The following GREM1 variants were observed in gnomAD, a reference collection of about 807,000 sequenced individuals.
GREM1 encodes the protein gremlin-1.
GREM1 carries 6 observed loss-of-function variants against 13.1 expected under a neutral mutation model. The observed-to-expected ratio is 0.46, with a 90% CI of 0.25 to 0.91. GREM1 has a LOEUF of 0.91. GREM1 is among the 40% of genes least tolerant of loss of function. The probability of loss-of-function intolerance (pLI) is 0.18; values close to 1 mark genes in which losing one functional copy is unlikely to be tolerated. For synonymous variants in GREM1, 98 were observed against 93.7 expected (o/e 1.05, Z -0.27); for missense variants, 185 against 233.9 (o/e 0.79, Z 1.36).
intron 1 of GREM1, among the ~76,000 whole-genome samples, chr15:32,719,896 G>C (rs1410965074): frequency 6.6e-6 from 1 of 152,112 alleles, no homozygotes; most frequent in African/African-American, 2.4e-5. Context: ...AGTCTTGAGG[G>C]GGGGATGTAC....
intron 1 of GREM1, among the ~76,000 whole-genome samples, chr15:32,719,461 A>G (rs1437272295): frequency 1.3e-5 from 2 of 152,148 alleles, no homozygotes; most frequent in Admixed American, 6.5e-5. Context: ...GAATCCGTCT[A>G]CTGCCTTCCC....
intron 1 of GREM1, among the ~76,000 whole-genome samples, chr15:32,730,177 G>T (rs2055591017): frequency 1.3e-5 from 2 of 152,246 alleles, no homozygotes; most frequent in East Asian, 1.9e-4. Flanking sequence ...ATGCCTTCTG[G>T]TCTCCATGAA....
In GREM1 at chr15:32,722,567, A is replaced by G. The variant is rs370743337; in HGVS notation, c.-2+4406A>G. ...ATACCATTTTTATTTCTCAGTCCTC[A>G]GTATTAGAATATTGTGTTCCTAGAG... On this transcript the variant is annotated intron_variant, in intron 1 of 1. Transcript: ENST00000651154. Among the ~76,000 whole-genome samples, 256 of 152,370 alleles carry G rather than the reference A, an allele frequency of 1.7e-3. 6 individuals are homozygous for G. In the South Asian group the frequency reaches 0.05, roughly 30 times the overall value.
rs1412782279 is a variant in GREM1 at position 32,718,138 on chromosome 15, C to T, written c.-25C>T. On this transcript the variant is annotated 5_prime_UTR_variant, in exon 1 of 2. Coordinates refer to ENST00000651154, the MANE Select transcript of GREM1 (RefSeq NM_013372.7). Reference sequence around the variant, plus strand: ...AGCGCCACGCGTCGAAAGCGCAGGCCCCGAGGACCCGCCGCACTGACAGGT... The same window carrying T: ...AGCGCCACGCGTCGAAAGCGCAGGCTCCGAGGACCCGCCGCACTGACAGGT... 1.5e-6 allele frequency: 2 copies of T among 1,310,426 alleles called. No homozygotes were observed. Among genetic ancestry groups the T allele is most frequent in the South Asian group, 2.7e-5 (2 of 73,758 alleles). 81.2% of individuals were successfully genotyped at this position (1,310,426 alleles called of 1,614,324 possible). A position where few individuals can be genotyped will look rare whatever the true frequency, so the allele number is the denominator to read the frequency against.
intron 1 of GREM1, among the ~76,000 whole-genome samples, chr15:32,721,863 ACTTT>A (rs762240271): frequency 4.6e-5 from 7 of 152,212 alleles, no homozygotes; most frequent in Non-Finnish European, 1.0e-4. Flanking sequence ...ATAATTTATT[ACTTT>A]CTAACTCGTT....
At position 32,725,111 on chromosome 15, in the gene GREM1, T is replaced by C. The variant is rs533448511; in HGVS notation, c.-1-5579T>C. 3.3e-5 allele frequency among the ~76,000 whole-genome samples: 5 copies of C among 152,330 alleles called. No homozygotes were observed. In the South Asian group the frequency reaches 1.0e-3, roughly 32 times the overall value. On this transcript the variant is annotated intron_variant, in intron 1 of 1. Coordinates refer to ENST00000651154, the MANE Select transcript of GREM1 (RefSeq NM_013372.7). Reference sequence around the variant, plus strand: ...TGCGATAAACATGTGTATATGTGTCTTTATATTAGAATGATTTATAATCCT... The same window carrying C: ...TGCGATAAACATGTGTATATGTGTCCTTATATTAGAATGATTTATAATCCT...
At chr15:32,729,316 T>C (rs1475788261) in intron 1 of GREM1, among the ~76,000 whole-genome samples, 1 of 152,156 alleles carries the variant, frequency 6.6e-6, no homozygotes, top group Non-Finnish European at 1.5e-5. Context: ...CGTGAGCCAC[T>C]GCGCCCGGCC....
Position 32,725,650 on chromosome 15 carries a change from A to G in GREM1, c.-1-5040A>G, listed in dbSNP as rs541553454. Among the ~76,000 whole-genome samples the G allele has an allele frequency of 4.6e-5, 7 of 152,136 alleles. No individual in the cohort carries two copies. The South Asian group carries it at 1.5e-3, about 32-fold the overall frequency. On this transcript the variant is annotated intron_variant, in intron 1 of 1. Coordinates refer to ENST00000651154, the MANE Select transcript of GREM1 (RefSeq NM_013372.7). ...AAGCTGTTTAGTTTAATTAGATCCA[A>G]TTTGTCAGTTTTGGCTTTTGTTGCC...
Position 32,736,004 on chromosome 15 carries a change from A to T in GREM1, c.*4759A>T, listed in dbSNP as rs1567116431. On this transcript the variant is annotated 3_prime_UTR_variant, in exon 2 of 2. Coordinates refer to ENST00000651154, the MANE Select transcript of GREM1 (RefSeq NM_013372.7). ...TGATATTGTAACTTGCACTACTCTC[A>T]TCTCCCCCTCTCCAGCTCCACAATA... 6.6e-6 allele frequency: 1 copy of T among 152,180 alleles called. No homozygotes were observed. The highest frequency in any genetic ancestry group is 1.5e-5 in the Non-Finnish European group (1 of 68,030). 9.4% of individuals were successfully genotyped at this position (152,180 alleles called of 1,614,324 possible).
Position 32,731,841 on chromosome 15 carries a change from C to A in GREM1, c.*596C>A, listed in dbSNP as rs2055625607. 1 of 229,908 alleles carries A rather than the reference C, an allele frequency of 4.3e-6. No homozygotes were observed. Among genetic ancestry groups the A allele is most frequent in the African/African-American group, 2.3e-5 (1 of 43,328 alleles). 14.2% of individuals were successfully genotyped at this position (229,908 alleles called of 1,614,324 possible). A position where few individuals can be genotyped will look rare whatever the true frequency, so the allele number is the denominator to read the frequency against. On this transcript the variant is annotated 3_prime_UTR_variant, in exon 2 of 2. Transcript: ENST00000651154. Reference sequence around the variant, plus strand: ...CAAATGTTTTTCATTTTGTGAAGACCCTCCAGACTCTGGGAGAGGCTGGTG... The same window carrying A: ...CAAATGTTTTTCATTTTGTGAAGACACTCCAGACTCTGGGAGAGGCTGGTG...
chr15:32,718,053 T>C lies in GREM1; in HGVS notation c.-110T>C, dbSNP rs2055323938. ...GGCGACCCAGTGCACGGCCGCCGCG[T>C]CACTCTCGGTCCCGCTGACCCCGCG... On this transcript the variant is annotated 5_prime_UTR_variant, in exon 1 of 2. Coordinates refer to ENST00000651154, the MANE Select transcript of GREM1 (RefSeq NM_013372.7). The C allele has an allele frequency of 8.6e-7, 1 of 1,167,938 alleles. No individual in the cohort carries two copies. Among genetic ancestry groups the C allele is most frequent in the African/African-American group, 1.6e-5 (1 of 60,972 alleles). The allele number at this position is 1,167,938 out of a possible 1,614,324, so 72.3% of individuals were successfully genotyped here.
chr15:32,725,006 A>T (rs1025709313), intron 1 of GREM1, among the ~76,000 whole-genome samples: 1 of 151,460 alleles, frequency 6.6e-6, no homozygotes, highest in East Asian at 1.9e-4. Context: ...CATGGTGTAT[A>T]TGTGCCACAT....
At chr15:32,720,218 G>T (rs567207814) in intron 1 of GREM1, among the ~76,000 whole-genome samples, 1 of 152,066 alleles carries the variant, frequency 6.6e-6, no homozygotes, top group South Asian at 2.1e-4. Context: ...GGTAACCCAC[G>T]CTCTGTAGGA....
Position 32,732,455 on chromosome 15 carries a change from T to C in GREM1, c.*1210T>C, listed in dbSNP as rs1358514263. ...TAGCAAGAGATATTTTGGGGGTCTT[T>C]TTGTTTTAACTATTGTCAGGAGATT... On this transcript the variant is annotated 3_prime_UTR_variant, in exon 2 of 2. Transcript: ENST00000651154. The C allele has an allele frequency of 4.1e-6, 1 of 245,068 alleles. No individual in the cohort carries two copies. Among genetic ancestry groups the C allele is most frequent in the Non-Finnish European group, 8.6e-6 (1 of 116,200 alleles). 15.2% of individuals were successfully genotyped at this position (245,068 alleles called of 1,614,324 possible). A position where few individuals can be genotyped will look rare whatever the true frequency, so the allele number is the denominator to read the frequency against.
rs1381837141 is a variant in GREM1, at chr15:32,718,164, G to A, written c.-2+3G>A. On this transcript the variant is annotated splice_donor_region_variant and intron_variant, in intron 1 of 1. Transcript: ENST00000651154. ...CCGAGGACCCGCCGCACTGACAGGT[G>A]AGCGCGGACGCACCCGGCAGGGATG... 2.2e-5 allele frequency: 29 copies of A among 1,333,940 alleles called. No homozygotes were observed. The highest frequency in any genetic ancestry group is 2.8e-5 in the Non-Finnish European group (28 of 1,014,426). 82.6% of individuals were successfully genotyped at this position (1,333,940 alleles called of 1,614,324 possible).
rs533931411 is a variant in GREM1 at position 32,729,811 on chromosome 15, T to C, written c.-1-879T>C. Among the ~76,000 whole-genome samples, 6 of 151,822 alleles carry C rather than the reference T, an allele frequency of 4.0e-5. 1 individual carries two copies. The South Asian group carries it at 1.3e-3, about 32-fold the overall frequency. ...TACACAGACACATGTGAATGACATATTTCACTATTTAAAAGGTAGAAAAAT... is the reference window on the plus strand; with the variant it reads ...TACACAGACACATGTGAATGACATACTTCACTATTTAAAAGGTAGAAAAAT... On this transcript the variant is annotated intron_variant, in intron 1 of 1. Transcript: ENST00000651154.
chr15:32,725,647 C>T (rs1272695592), intron 1 of GREM1, among the ~76,000 whole-genome samples: 1 of 152,154 alleles, frequency 6.6e-6, no homozygotes, highest in Non-Finnish European at 1.5e-5. Flanking sequence ...TTAATTAGAT[C>T]CAATTTGTCA....
At position 32,735,666 on chromosome 15, in the gene GREM1, G is replaced by A. The variant is rs1485373416; in HGVS notation, c.*4421G>A. On this transcript the variant is annotated 3_prime_UTR_variant, in exon 2 of 2. Transcript: ENST00000651154. ...TTGGACTTGGAGGGGGAGAATGGAAGCAAGTACCAAGGAGAAAGTGTTCTC... is the reference window on the plus strand; with the variant it reads ...TTGGACTTGGAGGGGGAGAATGGAAACAAGTACCAAGGAGAAAGTGTTCTC... 3 of 151,580 alleles carry A rather than the reference G, an allele frequency of 2.0e-5. No homozygotes were observed. The highest frequency in any genetic ancestry group is 4.4e-5 in the Non-Finnish European group (3 of 67,964). 9.4% of individuals were successfully genotyped at this position (151,580 alleles called of 1,614,324 possible). A position where few individuals can be genotyped will look rare whatever the true frequency, so the allele number is the denominator to read the frequency against.
Position 32,731,347 on chromosome 15 carries a change from A to G in GREM1, c.*102A>G, listed in dbSNP as rs886820859. 3 of 893,774 alleles carry G rather than the reference A, an allele frequency of 3.4e-6. No homozygotes were observed. In the African/African-American group the frequency reaches 5.0e-5, roughly 15 times the overall value. The allele number at this position is 893,774 out of a possible 1,614,324, so 55.4% of individuals were successfully genotyped here. On this transcript the variant is annotated 3_prime_UTR_variant, in exon 2 of 2. Transcript: ENST00000651154. ...ACTTGGCTTAAACCTAGAGGCCAGA[A>G]GAACCCCCAGCTGCCTCCTGGCAGG... is the stretch of plus-strand genomic sequence containing the variant.
Sources: allele counts gnomAD v4.1 joint callset (sites outside exome capture counted in the v4.1 genomes callset), GRCh38; gene constraint gnomAD v4.1.1; transcripts MANE v1.5; gene names NCBI Gene and HGNC (gene_info 2026-07-23, HGNC 2026-07-21).